The following CALN1 variants were observed in gnomAD, a reference collection of about 807,000 sequenced individuals.
CALN1 encodes calcium-binding protein 8.
CALN1 carries 17 observed loss-of-function variants against 30.6 expected under a neutral mutation model. That is an observed-to-expected ratio of 0.56 (90% CI 0.38 to 0.83). The LOEUF (loss-of-function observed/expected upper bound fraction) is 0.83, where lower values mean the gene tolerates loss of function less well. CALN1 is among the 40% of genes least tolerant of loss of function. The pLI is 0.00. For missense variants in CALN1, 291 were observed against 354.9 expected (o/e 0.82, Z 1.45); for synonymous variants, 156 against 131.4 (o/e 1.19, Z -1.28).
At chr7:71,872,562 T>C (rs1584416643) in intron 5 of CALN1, among the ~76,000 whole-genome samples, 1 of 152,154 alleles carries the variant, frequency 6.6e-6, no homozygotes, top group East Asian at 1.9e-4. Flanking sequence ...TGTTTATCAT[T>C]AACTTTTTCT....
chr7:72,238,215 A>G (rs1284224251), intron 3 of CALN1, among the ~76,000 whole-genome samples: 2 of 152,194 alleles, frequency 1.3e-5, no homozygotes, highest in African/African-American at 4.8e-5. Flanking sequence ...GATAGTTACA[A>G]GAGCACATCA....
chr7:72,278,106 C>T (rs1797473484), intron 3 of CALN1, among the ~76,000 whole-genome samples: 1 of 151,526 alleles, frequency 6.6e-6, no homozygotes, highest in African/African-American at 2.4e-5. Flanking sequence ...TCATCACGTT[C>T]CCAGGTTTAT....
At chr7:72,122,380 G>GAT (rs1486232410) in intron 3 of CALN1, among the ~76,000 whole-genome samples, 1 of 152,068 alleles carries the variant, frequency 6.6e-6, no homozygotes, top group East Asian at 1.9e-4. Context: ...TGGAGAGAAG[G>GAT]GAGCAACTCT....
chr7:71,790,416 GAAAGAAAGAAGC>G (rs971347538), intron 6 of CALN1, among the ~76,000 whole-genome samples: 8 of 145,526 alleles, frequency 5.5e-5, no homozygotes, highest in Middle Eastern at 3.2e-3. Flanking sequence ...AAGAAAGAAA[GAAAGAAAGAAGC>G]AAGCAAGCAA....
At chr7:72,116,598 G>T (rs915905997) in intron 3 of CALN1, among the ~76,000 whole-genome samples, 1 of 152,102 alleles carries the variant, frequency 6.6e-6, no homozygotes, top group Admixed American at 6.6e-5. Flanking sequence ...ATGCAAAAGG[G>T]CACAGCTAGC....
At chr7:72,094,307 T>C (rs1462320335) in intron 4 of CALN1, among the ~76,000 whole-genome samples, 8 of 151,830 alleles carry the variant, frequency 5.3e-5, no homozygotes, top group African/African-American at 1.9e-4. Context: ...CAGGTGGGAG[T>C]GCAATGGCAC....
Position 71,955,153 on chromosome 7 carries a change from G to C in CALN1, c.501+68504C>G, listed in dbSNP as rs1246966648. On this transcript the variant is annotated intron_variant, in intron 5 of 6. Coordinates refer to ENST00000395275, the MANE Select transcript of CALN1 (RefSeq NM_031468.4). ...GAAAAGCAAAGGGACATCGTACATG[G>C]CGGCAGGCAGGAGAGAGTGAGAACC... Among the ~76,000 whole-genome samples the C allele has an allele frequency of 2.6e-5, 4 of 152,240 alleles. No individual in the cohort carries two copies. In the East Asian group the frequency reaches 7.7e-4, roughly 29 times the overall value.
At chr7:72,290,171 A>C (rs971031046) in intron 2 of CALN1, among the ~76,000 whole-genome samples, 1 of 148,132 alleles carries the variant, frequency 6.8e-6, no homozygotes, top group African/African-American at 2.5e-5. Flanking sequence ...AAAATTTAAA[A>C]GTGGGCTCTC....
intron 3 of CALN1, among the ~76,000 whole-genome samples, chr7:72,146,658 C>T: frequency 6.6e-6 from 1 of 152,156 alleles, no homozygotes; most frequent in Non-Finnish European, 1.5e-5. Context: ...CCCACATTGC[C>T]AAGTCAATCC....
At chr7:72,298,127 C>CA (rs2129555429) in intron 2 of CALN1, among the ~76,000 whole-genome samples, 1 of 152,310 alleles carries the variant, frequency 6.6e-6, no homozygotes, top group South Asian at 2.1e-4. Flanking sequence ...GTGATTTCCT[C>CA]AATCTTTGTT....
chr7:72,261,149 A>G (rs1190828101), intron 3 of CALN1, among the ~76,000 whole-genome samples: 3 of 152,156 alleles, frequency 2.0e-5, no homozygotes, highest in Admixed American at 6.5e-5. Flanking sequence ...TCTACAAAAA[A>G]TTACAAAAAT....
Position 72,094,183 on chromosome 7 carries a change from T to A in CALN1, c.388+11968A>T, listed in dbSNP as rs1806062301. On this transcript the variant is annotated intron_variant, in intron 4 of 6. Coordinates refer to ENST00000395275, the MANE Select transcript of CALN1 (RefSeq NM_031468.4). The stretch of plus-strand genomic sequence containing the variant: ...AATCAGCTTACATCTGGGGAATAGG[T>A]GTAACAATGGACTCTAGGTGTTAAA... 2.6e-5 allele frequency among the ~76,000 whole-genome samples: 4 copies of A among 152,132 alleles called. No individual in the cohort carries two copies. In the South Asian group the frequency reaches 8.3e-4, roughly 32 times the overall value.
chr7:71,804,671 G>C (rs1190152399), intron 6 of CALN1, among the ~76,000 whole-genome samples: 1 of 151,490 alleles, frequency 6.6e-6, no homozygotes, highest in Non-Finnish European at 1.5e-5. Context: ...ATACAAAAAT[G>C]AGCCGGGTGC....
chr7:72,500,808 C>T, the CALN1 span, among the ~76,000 whole-genome samples: 1 of 151,842 alleles, frequency 6.6e-6, no homozygotes, highest in East Asian at 1.9e-4. Context: ...TTACAATGTC[C>T]AGTTACTTCC....
intron 2 of CALN1, among the ~76,000 whole-genome samples, chr7:72,334,329 C>T (rs1801865893): frequency 6.6e-6 from 1 of 152,208 alleles, no homozygotes; most frequent in African/African-American, 2.4e-5. Context: ...GCACACACCA[C>T]AACAGAAGGA....
intron 3 of CALN1, among the ~76,000 whole-genome samples, chr7:72,148,263 T>C (rs1424225464): frequency 7.9e-6 from 1 of 126,728 alleles, no homozygotes; most frequent in Non-Finnish European, 1.7e-5. Context: ...ATGTGGTTGT[T>C]TAAAAAAAAA....
chr7:71,937,335 A>AAC (rs1562918407), intron 5 of CALN1, among the ~76,000 whole-genome samples: 1 of 151,566 alleles, frequency 6.6e-6, no homozygotes, highest in African/African-American at 2.4e-5. Flanking sequence ...CCAAAAAAAA[A>AAC]CCCCATACGT....
rs941919867 is a variant in CALN1, at chr7:71,784,058, T to G, written c.*3717A>C. Reference sequence around the variant, plus strand: ...GGAGTGTGCTCAACAGGCAAACCGATACTTTTAAAGATTGGAGGCTTAATA... The same window carrying G: ...GGAGTGTGCTCAACAGGCAAACCGAGACTTTTAAAGATTGGAGGCTTAATA... On this transcript the variant is annotated 3_prime_UTR_variant, in exon 7 of 7. Coordinates refer to ENST00000395275, the MANE Select transcript of CALN1 (RefSeq NM_031468.4). 1 of 152,218 alleles carries G rather than the reference T, an allele frequency of 6.6e-6. No individual in the cohort carries two copies. The highest frequency in any genetic ancestry group is 1.5e-5 in the Non-Finnish European group (1 of 68,044). 9.4% of individuals were successfully genotyped at this position (152,218 alleles called of 1,614,324 possible).
chr7:72,262,862 C>T (rs1796356823), intron 3 of CALN1, among the ~76,000 whole-genome samples: 2 of 152,178 alleles, frequency 1.3e-5, no homozygotes, highest in South Asian at 4.1e-4. Flanking sequence ...ACAGCCACTG[C>T]GATACAAAGT....
Sources: gnomAD v4.1 joint callset for allele counts (sites outside exome capture counted in the v4.1 genomes callset) on GRCh38, gnomAD v4.1.1 for gene constraint, MANE v1.5 for transcripts, NCBI Gene and HGNC (gene_info 2026-07-23, HGNC 2026-07-21) for gene names.